The following EXOC4 variants were observed in gnomAD, a reference collection of about 807,000 sequenced individuals.
EXOC4 encodes SEC8-like 1.
Under a neutral mutation model 107.2 loss-of-function variants are expected in EXOC4, and 71 were observed. That is an observed-to-expected ratio of 0.66 (90% CI 0.55 to 0.81). EXOC4 has a LOEUF of 0.81. Among genes scored for constraint, EXOC4 ranks in the 30% least tolerant of loss-of-function variants. The probability of loss-of-function intolerance (pLI) is 0.00; values close to 1 mark genes in which losing one functional copy is unlikely to be tolerated. For synonymous variants in EXOC4, 456 were observed against 441.2 expected, an observed-to-expected ratio of 1.03 and a Z score of -0.42; for missense variants, 1,108 against 1,189.6, an observed-to-expected ratio of 0.93 and a Z score of 1.01.
intron 13 of EXOC4, chr7:133,930,672 C>T (rs982808048): frequency 6.6e-6 from 1 of 152,118 alleles, no homozygotes. Flanking sequence ...TGTATCCCCT[C>T]CTCCTCTGCA....
chr7:133,879,781 T>G (rs997472512), intron 11 of EXOC4, among the ~76,000 whole-genome samples: 3 of 152,216 alleles, frequency 2.0e-5, no homozygotes, highest in African/African-American at 7.2e-5. Context: ...TTGTTATGGT[T>G]CTTTTTTAAG....
chr7:133,639,445 A>G (rs978390360), intron 10 of EXOC4, among the ~76,000 whole-genome samples: 2 of 152,130 alleles, frequency 1.3e-5, no homozygotes, highest in Non-Finnish European at 2.9e-5. Flanking sequence ...AGTATTTTTC[A>G]TTTCATGGTC....
intron 7 of EXOC4, among the ~76,000 whole-genome samples, chr7:133,407,416 C>T (rs1192887259): frequency 6.6e-6 from 1 of 152,142 alleles, no homozygotes; most frequent in Admixed American, 6.5e-5. Context: ...ATCTTCCTTA[C>T]CATTTTTAAC....
chr7:134,063,924 G>T (rs1796128054), intron 17 of EXOC4, among the ~76,000 whole-genome samples: 3 of 152,168 alleles, frequency 2.0e-5, no homozygotes, highest in Admixed American at 1.3e-4. Flanking sequence ...ATGAGGGATT[G>T]AATGAGACAA....
intron 3 of EXOC4, among the ~76,000 whole-genome samples, chr7:133,301,707 G>C (rs1794644718): frequency 6.6e-6 from 1 of 151,984 alleles, no homozygotes; most frequent in Non-Finnish European, 1.5e-5. Flanking sequence ...TTTTTGGCTT[G>C]AACCTTATTT....
chr7:133,328,649 G>A (rs1342573312), intron 5 of EXOC4, among the ~76,000 whole-genome samples: 2 of 152,194 alleles, frequency 1.3e-5, no homozygotes, highest in African/African-American at 4.8e-5. Context: ...TTGCTTGTGT[G>A]TAAAGGATTT....
rs145569727 is a variant in EXOC4, at chr7:133,449,774, C to A, written c.1183-25554C>A. Reference sequence around the variant, plus strand: ...ACATCTCTTTTTACAAACATTATTTCTGTAATACTTGGATTGAATCCCTGT... The same window carrying A: ...ACATCTCTTTTTACAAACATTATTTATGTAATACTTGGATTGAATCCCTGT... On this transcript the variant is annotated intron_variant, in intron 7 of 17. Coordinates refer to ENST00000253861, the MANE Select transcript of EXOC4 (RefSeq NM_021807.4). Among the ~76,000 whole-genome samples the A allele has an allele frequency of 7.4e-4, 110 of 149,202 alleles. 1 individual carries two copies. The East Asian group carries it at 0.02, about 27-fold the overall frequency.
downstream of EXOC4, among the ~76,000 whole-genome samples, chr7:134,067,634 T>C (rs200945894): frequency 0.23 from 31,240 of 133,544 alleles, 4,539 homozygotes; most frequent in African/African-American, 0.41. Context: ...CTTATATATA[T>C]ATATACACAC....
chr7:134,035,986 G>A (rs1432693785), intron 17 of EXOC4, among the ~76,000 whole-genome samples: 4 of 152,172 alleles, frequency 2.6e-5, no homozygotes, highest in Non-Finnish European at 5.9e-5. Flanking sequence ...ATGGAGAGCT[G>A]CTTTCTTACG....
chr7:133,873,834 C>A (rs1798796529), intron 11 of EXOC4, among the ~76,000 whole-genome samples: 1 of 152,164 alleles, frequency 6.6e-6, no homozygotes, highest in African/African-American at 2.4e-5. Context: ...CTTAGCAAAG[C>A]TTTGATATTC....
intron 10 of EXOC4, among the ~76,000 whole-genome samples, chr7:133,698,944 G>A (rs185361330): frequency 2.1e-3 from 220 of 103,808 alleles, no homozygotes; most frequent in Middle Eastern, 0.019. Flanking sequence ...AAGTTCTATA[G>A]CATTATATTG....
intron 11 of EXOC4, among the ~76,000 whole-genome samples, chr7:133,818,259 T>C (rs1005481717): frequency 1.3e-5 from 2 of 152,204 alleles, no homozygotes; most frequent in Non-Finnish European, 2.9e-5. Context: ...ACGTTGGAAT[T>C]GAATCCTTAT....
intron 3 of EXOC4, among the ~76,000 whole-genome samples, chr7:133,303,442 A>G (rs926238741): frequency 2.0e-5 from 3 of 152,082 alleles, no homozygotes; most frequent in Admixed American, 6.6e-5. Flanking sequence ...TCAAAAAAAC[A>G]AAAAAAAGAT....
chr7:133,507,413 A>T (rs1799687428), intron 9 of EXOC4, among the ~76,000 whole-genome samples: 1 of 152,200 alleles, frequency 6.6e-6, no homozygotes, highest in South Asian at 2.1e-4. Context: ...ATCCTTCTGG[A>T]TAATTTGTGA....
intron 4 of EXOC4, among the ~76,000 whole-genome samples, chr7:133,317,079 A>G (rs1183534489): frequency 2.0e-5 from 3 of 152,144 alleles, no homozygotes; most frequent in Admixed American, 6.6e-5. Context: ...AACCCTTACA[A>G]TACATTTTTA....
Position 133,415,101 on chromosome 7 carries a change from A to C in EXOC4, c.1182+40099A>C, listed in dbSNP as rs553662474. Among the ~76,000 whole-genome samples the C allele has an allele frequency of 7.9e-5, 12 of 152,268 alleles. No homozygotes were observed. In the East Asian group the frequency reaches 2.3e-3, roughly 29 times the overall value. ...TTTTGAGGTTCATCAGTGTTGTAGC[A>C]TGTATCAGTACTTCTTTTTTTATTG... On this transcript the variant is annotated intron_variant, in intron 7 of 17. Transcript: ENST00000253861.
chr7:133,277,313 T>C (rs1181855910), intron 2 of EXOC4, among the ~76,000 whole-genome samples: 3 of 152,240 alleles, frequency 2.0e-5, no homozygotes, highest in Non-Finnish European at 4.4e-5. Context: ...ATAGAGCTGC[T>C]GACCTTCTGG....
chr7:133,696,800 G>T (rs1355857432), intron 10 of EXOC4, among the ~76,000 whole-genome samples: 1 of 152,100 alleles, frequency 6.6e-6, no homozygotes, highest in East Asian at 1.9e-4. Flanking sequence ...TTACACATCA[G>T]CCTCTCCCTT....
At chr7:133,740,824 C>T (rs1795548688) in intron 10 of EXOC4, among the ~76,000 whole-genome samples, 1 of 152,120 alleles carries the variant, frequency 6.6e-6, no homozygotes, top group Non-Finnish European at 1.5e-5. Flanking sequence ...GGCATAGGTT[C>T]TCATGGGAAT....
Sources: allele counts gnomAD v4.1 joint callset (sites outside exome capture counted in the v4.1 genomes callset), GRCh38; gene constraint gnomAD v4.1.1; transcripts MANE v1.5; gene names NCBI Gene and HGNC (gene_info 2026-07-23, HGNC 2026-07-21).